NPLOC4: variants seen among roughly 807,000 people sequenced by gnomAD.
The protein encoded by NPLOC4 is nuclear protein localization protein 4 homolog.
NPLOC4 carries 18 observed loss-of-function variants against 80.6 expected under a neutral mutation model. That is an observed-to-expected ratio of 0.22 (90% CI 0.15 to 0.33). The LOEUF (loss-of-function observed/expected upper bound fraction) is 0.33. Ranked by LOEUF, NPLOC4 falls within the 10% of genes least tolerant of loss-of-function variation. The pLI, the probability that NPLOC4 is intolerant of heterozygous loss-of-function variation, is 1.00. For missense variants in NPLOC4, 540 were observed against 786.1 expected, an observed-to-expected ratio of 0.69 and a Z score of 3.74; for synonymous variants, 313 against 301.5, an observed-to-expected ratio of 1.04 and a Z score of -0.39.
Position 81,577,927 on chromosome 17 carries a change from C to A in NPLOC4, c.1282-5839G>T, listed in dbSNP as rs1020874742. ...CTCACTGGGCTCCCCAACTCCAAAC[C>A]GTTCCCCACACTGCAGCCCAGGATG... On this transcript the variant is annotated intron_variant, in intron 12 of 16. Coordinates refer to ENST00000331134, the MANE Select transcript of NPLOC4 (RefSeq NM_017921.4). The surrounding 1 kb of genome is among the most constrained non-coding windows in gnomAD (Gnocchi z 4.3). Among the ~76,000 whole-genome samples, 1 of 152,190 alleles carries A rather than the reference C, an allele frequency of 6.6e-6. No homozygotes were observed. The highest frequency in any genetic ancestry group is 1.5e-5 in the Non-Finnish European group (1 of 68,026).
intron 15 of NPLOC4, chr17:81,566,690 A>C (rs1598617312): frequency 6.6e-6 from 1 of 152,310 alleles, no homozygotes; most frequent in Non-Finnish European, 1.5e-5. Flanking sequence ...CCGGGGGAGG[A>C]GGAGCCTCTC....
rs1055661359 is a variant in NPLOC4, at chr17:81,630,957, G to C, written c.16-1152C>G. Among the ~76,000 whole-genome samples the C allele has an allele frequency of 2.0e-5, 3 of 151,602 alleles. No individual in the cohort carries two copies. In the East Asian group the frequency reaches 5.9e-4, roughly 30 times the overall value. On this transcript the variant is annotated intron_variant, in intron 1 of 16. Transcript: ENST00000331134. ...GGAGGCCAATGCGGGCAGATCACCT[G>C]AGGTCAGGAGTTCGAGACCAGCCTG... is the stretch of plus-strand genomic sequence containing the variant.
intron 12 of NPLOC4, among the ~76,000 whole-genome samples, chr17:81,576,252 A>C (rs1598626675): frequency 6.6e-6 from 1 of 152,360 alleles, no homozygotes; most frequent in East Asian, 1.9e-4. Context: ...TCCTAAAAGC[A>C]CGGAAAGAGT....
rs1271616177 is a variant in NPLOC4, at chr17:81,580,154, C to T, written c.1282-8066G>A. 6.6e-6 allele frequency among the ~76,000 whole-genome samples: 1 copy of T among 152,178 alleles called. No homozygotes were observed. The highest frequency in any genetic ancestry group is 6.5e-5 in the Admixed American group (1 of 15,286). On this transcript the variant is annotated intron_variant, in intron 12 of 16. Coordinates refer to ENST00000331134, the MANE Select transcript of NPLOC4 (RefSeq NM_017921.4). The surrounding 1 kb of genome is among the most constrained non-coding windows in gnomAD (Gnocchi z 4.4). ...GCCATCCCCTCCAGGATGGACAACT[C>T]GGCCTCTCACCAGGCCTCAAGCACC...
chr17:81,565,397 C>T (rs1247512408), intron 16 of NPLOC4, 108 bp downstream of exon 16: 2 of 962,426 alleles, frequency 2.1e-6, no homozygotes, highest in Non-Finnish European at 3.2e-6. Context: ...TGCCAGGATG[C>T]AGCTGGGTGC....
chr17:81,560,401 A>G lies in NPLOC4; in HGVS notation c.1670-985T>C, dbSNP rs557729560. Reference sequence around the variant, plus strand: ...TCACTCCAGCCTGGGCGACACAGCGAGACTCCATCTCAAAAACAAACAACA... The same window carrying G: ...TCACTCCAGCCTGGGCGACACAGCGGGACTCCATCTCAAAAACAAACAACA... On this transcript the variant is annotated intron_variant, in intron 16 of 16. Transcript: ENST00000331134. Among the ~76,000 whole-genome samples the G allele has an allele frequency of 2.3e-3, 340 of 150,262 alleles. 5 individuals carry two copies. Among genetic ancestry groups the G allele is most frequent in the African/African-American group, 8.2e-3 (332 of 40,646 alleles).
chr17:81,605,689 G>C (rs975425538), intron 7 of NPLOC4, among the ~76,000 whole-genome samples: 2 of 151,992 alleles, frequency 1.3e-5, no homozygotes, highest in African/African-American at 4.8e-5. Context: ...CCACTTCAGA[G>C]TCCAGTGGCG....
In NPLOC4 at chr17:81,603,750, T is replaced by C. The variant is rs79761164; in HGVS notation, c.834+798A>G. On this transcript the variant is annotated intron_variant, in intron 8 of 16. Coordinates refer to ENST00000331134, the MANE Select transcript of NPLOC4 (RefSeq NM_017921.4). ...CACCCATCAATTCATTTTATTTTTCTATTGGATTTCAAGTGTATTACAGAC... is the reference window on the plus strand; with the variant it reads ...CACCCATCAATTCATTTTATTTTTCCATTGGATTTCAAGTGTATTACAGAC... 3.4e-3 allele frequency among the ~76,000 whole-genome samples: 518 copies of C among 152,324 alleles called. 1 individual carries two copies. The highest frequency in any genetic ancestry group is 0.012 in the African/African-American group (509 of 41,570).
chr17:81,589,995 G>A (rs975415840), intron 11 of NPLOC4, among the ~76,000 whole-genome samples: 2 of 152,196 alleles, frequency 1.3e-5, no homozygotes, highest in African/African-American at 4.8e-5. Flanking sequence ...GGTAAGGATG[G>A]GAGGATAAAT....
Position 81,559,025 on chromosome 17 carries a change from T to C in NPLOC4, c.*234A>G, listed in dbSNP as rs2033751835. 7.6e-6 allele frequency: 4 copies of C among 525,212 alleles called. No homozygotes were observed. In the South Asian group the frequency reaches 1.1e-4, roughly 14 times the overall value. 32.5% of individuals were successfully genotyped at this position (525,212 alleles called of 1,614,324 possible). A position where few individuals can be genotyped will look rare whatever the true frequency, so the allele number is the denominator to read the frequency against. On this transcript the variant is annotated 3_prime_UTR_variant, in exon 17 of 17. Coordinates refer to ENST00000331134, the MANE Select transcript of NPLOC4 (RefSeq NM_017921.4). ...CAGGATTAGGCGTGAGGAGCCGCTC[T>C]GCGTTTCCAGTCTGGAGACTGCATT... is the stretch of plus-strand genomic sequence containing the variant.
At chr17:81,595,630 C>T (rs753102492) in intron 11 of NPLOC4, among the ~76,000 whole-genome samples, 25 of 151,536 alleles carry the variant, frequency 1.6e-4, no homozygotes, top group Non-Finnish European at 2.5e-4. Flanking sequence ...CTGCAACCTC[C>T]GCCTGATGGG....
chr17:81,605,608 AC>A (rs1210849408), intron 7 of NPLOC4, among the ~76,000 whole-genome samples: 1 of 151,378 alleles, frequency 6.6e-6, no homozygotes, highest in African/African-American at 2.4e-5. Context: ...AGACTGCACC[AC>A]TGCAATTCAG....
chr17:81,622,819 G>A (rs573745618), intron 2 of NPLOC4, among the ~76,000 whole-genome samples: 42 of 152,166 alleles, frequency 2.8e-4, no homozygotes, highest in African/African-American at 1.0e-3. Flanking sequence ...CCAAAGTACT[G>A]GGATTACAGG....
intron 1 of NPLOC4, among the ~76,000 whole-genome samples, chr17:81,633,030 T>C (rs2035971196): frequency 2.0e-5 from 3 of 148,828 alleles, no homozygotes; most frequent in Admixed American, 6.9e-5. Flanking sequence ...CTTGGGAGGC[T>C]GAGGTAGGAG....
At chr17:81,614,741 T>A (rs61744362) in intron 3 of NPLOC4, among the ~76,000 whole-genome samples, 519 of 152,308 alleles carry the variant, frequency 3.4e-3, no homozygotes, top group African/African-American at 0.012. Context: ...CCTCAGAGGC[T>A]AACAAGCATC....
At chr17:81,584,326 T>C (rs2034518355) in intron 12 of NPLOC4, among the ~76,000 whole-genome samples, 1 of 152,198 alleles carries the variant, frequency 6.6e-6, no homozygotes. Context: ...ATAAGCACTC[T>C]ATGAAAACAA....
At chr17:81,559,538 C>T in intron 16 of NPLOC4, 122 bp from the exon 17 acceptor site, 1 of 1,127,528 alleles carries the variant, frequency 8.9e-7, no homozygotes. Context: ...CCACCCAGTG[C>T]TGGTCCTGCC....
chr17:81,588,863 A>T, intron 12 of NPLOC4, 81 bp downstream of exon 12: 1 of 1,274,030 alleles, frequency 7.8e-7, no homozygotes, highest in South Asian at 1.5e-5. Context: ...CTATAGGCAG[A>T]ATGCACCCAA....
intron 12 of NPLOC4, among the ~76,000 whole-genome samples, chr17:81,576,474 T>C (rs760924601): frequency 6.6e-6 from 1 of 152,136 alleles, no homozygotes; most frequent in African/African-American, 2.4e-5. Flanking sequence ...CGTGAGTGCA[T>C]GTGGACTTGA....
Sources: allele counts gnomAD v4.1 joint callset (sites outside exome capture counted in the v4.1 genomes callset), GRCh38; gene constraint gnomAD v4.1.1; non-coding constraint Gnocchi (gnomAD v3.1); transcripts MANE v1.5; gene names NCBI Gene and HGNC (gene_info 2026-07-23, HGNC 2026-07-21).